GALNT18: variants seen among roughly 807,000 people sequenced by gnomAD.
GALNT18 encodes polypeptide N-acetylgalactosaminyltransferase 18, also known as GalNAc-transferase 18.
Under a neutral mutation model 69.5 loss-of-function variants are expected in GALNT18, and 44 were observed. That is an observed-to-expected ratio of 0.63 (90% CI 0.50 to 0.81). GALNT18 has a LOEUF of 0.81. Ranked by LOEUF, GALNT18 falls within the 40% of genes least tolerant of loss-of-function variation. The pLI is 0.00. For synonymous variants in GALNT18, 364 were observed against 318.2 expected, an observed-to-expected ratio of 1.14 and a Z score of -1.53; for missense variants, 715 against 810.0, an observed-to-expected ratio of 0.88 and a Z score of 1.42.
At chr11:11,609,503 C>T (rs1859840040) in intron 1 of GALNT18, among the ~76,000 whole-genome samples, 1 of 152,170 alleles carries the variant, frequency 6.6e-6, no homozygotes, top group Non-Finnish European at 1.5e-5. Context: ...CGTATTTTTG[C>T]TCTGATTCCA....
At chr11:11,296,378 C>T (rs1849401419) in intron 9 of GALNT18, among the ~76,000 whole-genome samples, 1 of 152,182 alleles carries the variant, frequency 6.6e-6, no homozygotes, top group African/African-American at 2.4e-5. Flanking sequence ...GGGCCTCTCA[C>T]CAAAAGGTGC....
At chr11:11,519,699 C>T (rs1454959846) in intron 1 of GALNT18, among the ~76,000 whole-genome samples, 2 of 152,226 alleles carry the variant, frequency 1.3e-5, no homozygotes, top group Non-Finnish European at 2.9e-5. Flanking sequence ...CTTCCAGGCA[C>T]TCTCCCATTC....
intron 1 of GALNT18, among the ~76,000 whole-genome samples, chr11:11,498,554 T>A (rs1856913134): frequency 2.0e-5 from 3 of 152,244 alleles, no homozygotes; most frequent in African/African-American, 7.2e-5. Flanking sequence ...ATCCCAACAC[T>A]TTGGGAGGCC....
At chr11:11,575,055 A>G (rs189333491) in intron 1 of GALNT18, among the ~76,000 whole-genome samples, 96 of 152,324 alleles carry the variant, frequency 6.3e-4, no homozygotes, top group African/African-American at 2.2e-3. Context: ...TGCATCATAA[A>G]TCCAACATTT....
At chr11:11,313,495 T>C (rs1346948811) in intron 9 of GALNT18, among the ~76,000 whole-genome samples, 2 of 152,214 alleles carry the variant, frequency 1.3e-5, no homozygotes, top group Admixed American at 6.5e-5. Context: ...CATATTCTCA[T>C]TGCAACCTTC....
intron 1 of GALNT18, among the ~76,000 whole-genome samples, chr11:11,525,740 T>C (rs1290219618): frequency 6.8e-6 from 1 of 147,478 alleles, no homozygotes; most frequent in African/African-American, 2.5e-5. Context: ...GTTCAAGCAA[T>C]TCTCCTGCCT....
intron 3 of GALNT18, among the ~76,000 whole-genome samples, chr11:11,423,957 A>G (rs11824141): frequency 1.3e-3 from 192 of 151,988 alleles, no homozygotes; most frequent in African/African-American, 4.4e-3. Context: ...CCTGGTCAGG[A>G]CTCTTTCTAT....
chr11:11,510,143 C>T (rs1857139764), intron 1 of GALNT18, among the ~76,000 whole-genome samples: 1 of 152,182 alleles, frequency 6.6e-6, no homozygotes, highest in Admixed American at 6.5e-5. Flanking sequence ...GGAGCATTAC[C>T]ACCAAGTCAC....
At chr11:11,308,981 C>G (rs1564889838) in intron 9 of GALNT18, among the ~76,000 whole-genome samples, 1 of 152,130 alleles carries the variant, frequency 6.6e-6, no homozygotes, top group African/African-American at 2.4e-5. Context: ...TGCCCAATCA[C>G]CTTGCTGTGG....
At chr11:11,490,200 T>TTCTC (rs71037025) in intron 1 of GALNT18, among the ~76,000 whole-genome samples, 3 of 130,788 alleles carry the variant, frequency 2.3e-5, no homozygotes, top group African/African-American at 8.6e-5. Context: ...CCTTCACTCA[T>TTCTC]TCTCTCTCTC....
chr11:11,310,439 T>C (rs1849651459), intron 9 of GALNT18, among the ~76,000 whole-genome samples: 1 of 152,216 alleles, frequency 6.6e-6, no homozygotes, highest in Non-Finnish European at 1.5e-5. Context: ...ACCCAGCATA[T>C]TCCAAGGATG....
At chr11:11,370,982 T>G (rs1850888689) in intron 6 of GALNT18, among the ~76,000 whole-genome samples, 1 of 152,174 alleles carries the variant, frequency 6.6e-6, no homozygotes, top group South Asian at 2.1e-4. Flanking sequence ...AAATGGCCAA[T>G]GTAGAGAGAG....
chr11:11,414,422 T>C (rs1406170711), intron 3 of GALNT18, among the ~76,000 whole-genome samples: 1 of 152,168 alleles, frequency 6.6e-6, no homozygotes, highest in Non-Finnish European at 1.5e-5. Flanking sequence ...ACACTGGACT[T>C]CTTGTGGCTC....
intron 10 of GALNT18, among the ~76,000 whole-genome samples, chr11:11,273,745 A>C (rs1019279553): frequency 1.3e-5 from 2 of 152,216 alleles, no homozygotes; most frequent in African/African-American, 4.8e-5. Flanking sequence ...CTGCACTCCC[A>C]TGTTTATTGC....
intron 6 of GALNT18, among the ~76,000 whole-genome samples, chr11:11,355,014 G>GC (rs1195465968): frequency 1.3e-5 from 2 of 152,108 alleles, no homozygotes; most frequent in Admixed American, 6.5e-5. Flanking sequence ...CATCTGCACA[G>GC]CCAACATCCT....
intron 1 of GALNT18, among the ~76,000 whole-genome samples, chr11:11,537,193 C>A (rs4910380): frequency 0.48 from 73,545 of 152,006 alleles, 18,746 homozygotes; most frequent in East Asian, 0.82. Flanking sequence ...GAGAGGTCAT[C>A]CAGCTTGCCT....
At chr11:11,477,610 T>C (rs981260712) in intron 1 of GALNT18, among the ~76,000 whole-genome samples, 1 of 152,174 alleles carries the variant, frequency 6.6e-6, no homozygotes, top group African/African-American at 2.4e-5. Context: ...TTCCCCTCCT[T>C]GGACTACAGA....
chr11:11,578,907 G>A (rs10765869), intron 1 of GALNT18, among the ~76,000 whole-genome samples: 65,586 of 152,112 alleles, frequency 0.43, 14,729 homozygotes, highest in East Asian at 0.65. Context: ...TGTCAGCAGC[G>A]AAGAACTTGA....
chr11:11,609,579 C>G (rs898243567), intron 1 of GALNT18, among the ~76,000 whole-genome samples: 1 of 152,228 alleles, frequency 6.6e-6, no homozygotes, highest in Non-Finnish European at 1.5e-5. Flanking sequence ...AGAATCTGAG[C>G]ACATACCAAA....
Sources: gnomAD v4.1 joint callset for allele counts (sites outside exome capture counted in the v4.1 genomes callset) on GRCh38, gnomAD v4.1.1 for gene constraint, MANE v1.5 for transcripts, NCBI Gene and HGNC (gene_info 2026-07-23, HGNC 2026-07-21) for gene names.